ANXA3: variants seen among roughly 807,000 people sequenced by gnomAD.
The protein encoded by ANXA3 is annexin A3, also known as 35-alpha calcimedin.
In ANXA3, 46 loss-of-function variants were observed where a neutral mutation model predicts 48.8. The ratio of observed to expected loss-of-function variants is 0.94; its 90% CI spans 0.74 to 1.21. The LOEUF is 1.21. Ranked by LOEUF, ANXA3 falls within the 50% of genes most tolerant of loss-of-function variation. The probability of loss-of-function intolerance (pLI) is 0.00; values close to 1 mark genes in which losing one functional copy is unlikely to be tolerated. For missense variants in ANXA3, 383 were observed against 378.6 expected (o/e 1.01, Z -0.10); for synonymous variants, 128 against 134.7 (o/e 0.95, Z 0.35).
At chr4:78,593,113 C>CACACACA (rs1723334676) in intron 7 of ANXA3, among the ~76,000 whole-genome samples, 125 of 144,026 alleles carry the variant, frequency 8.7e-4, no homozygotes, top group Middle Eastern at 3.6e-3. Context: ...AACACACATA[C>CACACACA]CACACACACA....
intron 7 of ANXA3, among the ~76,000 whole-genome samples, chr4:78,594,222 G>A (rs913458251): frequency 9.2e-5 from 14 of 152,096 alleles, no homozygotes; most frequent in African/African-American, 3.4e-4. Flanking sequence ...TCTTTTCATG[G>A]CTTGATAGCT....
At chr4:78,552,780 C>T (rs183735225) in intron 1 of ANXA3, among the ~76,000 whole-genome samples, 121 of 152,332 alleles carry the variant, frequency 7.9e-4, no homozygotes, top group African/African-American at 2.7e-3. Context: ...TAAAACGTTA[C>T]TCCATGAAGA....
At chr4:78,609,547 A>G (rs978578227) in intron 12 of ANXA3, among the ~76,000 whole-genome samples, 2 of 152,204 alleles carry the variant, frequency 1.3e-5, no homozygotes, top group East Asian at 1.9e-4. Flanking sequence ...GCCAGGATAT[A>G]GGGATTCAAA....
At chr4:78,561,858 T>A (rs1358887175) in intron 2 of ANXA3, among the ~76,000 whole-genome samples, 1 of 152,214 alleles carries the variant, frequency 6.6e-6, no homozygotes, top group African/African-American at 2.4e-5. Context: ...AGAAAGTTGA[T>A]TTAAAACAGG....
chr4:78,600,469 T>A lies in ANXA3; in HGVS notation c.731-1041T>A, dbSNP rs888323460. Among the ~76,000 whole-genome samples the A allele has an allele frequency of 3.9e-5, 6 of 152,192 alleles. No individual in the cohort carries two copies. The South Asian group carries it at 6.2e-4, about 16-fold the overall frequency. Reference sequence around the variant, plus strand: ...CTTAATAGGATGAAAGTGGGCATCATTATTTTTTATCAAGCTATTATGGCT... The same window carrying A: ...CTTAATAGGATGAAAGTGGGCATCAATATTTTTTATCAAGCTATTATGGCT... On this transcript the variant is annotated intron_variant, in intron 10 of 12. Transcript: ENST00000264908.
At chr4:78,553,148 T>TG (rs1156821659) in intron 1 of ANXA3, among the ~76,000 whole-genome samples, 1 of 152,194 alleles carries the variant, frequency 6.6e-6, no homozygotes, top group African/African-American at 2.4e-5. Context: ...GGCAGAAGCA[T>TG]GGGGGTTAGG....
chr4:78,574,635 T>A (rs1002096433), intron 3 of ANXA3, among the ~76,000 whole-genome samples: 2 of 152,214 alleles, frequency 1.3e-5, no homozygotes, highest in Admixed American at 6.5e-5. Context: ...TCTTCTGCAA[T>A]ATGTTTTTGT....
intron 2 of ANXA3, among the ~76,000 whole-genome samples, chr4:78,571,546 T>G (rs1373490420): frequency 1.3e-5 from 2 of 152,192 alleles, no homozygotes; most frequent in East Asian, 3.8e-4. Flanking sequence ...ATAATGTCCT[T>G]TCATGAAAAT....
At chr4:78,560,136 A>G (rs1157196441) in intron 2 of ANXA3, among the ~76,000 whole-genome samples, 2 of 152,166 alleles carry the variant, frequency 1.3e-5, no homozygotes, top group African/African-American at 2.4e-5. Flanking sequence ...TTTTAAACAC[A>G]TATATATTTC....
At chr4:78,552,276 C>T (rs993297218) in intron 1 of ANXA3, 1 of 152,444 alleles carries the variant, frequency 6.6e-6, no homozygotes, top group Admixed American at 6.5e-5. Flanking sequence ...GAAGGTTCCT[C>T]GGGTCCCCGG....
At chr4:78,609,116 T>A (rs1578407095) in intron 12 of ANXA3, among the ~76,000 whole-genome samples, 1 of 151,978 alleles carries the variant, frequency 6.6e-6, no homozygotes, top group East Asian at 1.9e-4. Context: ...AACAGAAAAA[T>A]ATATATAAAG....
intron 12 of ANXA3, among the ~76,000 whole-genome samples, chr4:78,607,933 G>T (rs1311626047): frequency 6.6e-6 from 1 of 152,160 alleles, no homozygotes; most frequent in Non-Finnish European, 1.5e-5. Flanking sequence ...ATGGGAAGAA[G>T]CAAGAGGGAA....
intron 6 of ANXA3, among the ~76,000 whole-genome samples, chr4:78,588,962 C>T (rs1723232169): frequency 6.6e-6 from 1 of 152,196 alleles, no homozygotes; most frequent in African/African-American, 2.4e-5. Context: ...GGCACTGTTT[C>T]CCAAGTTGGC....
At chr4:78,597,892 G>A (rs1723454355) in intron 10 of ANXA3, among the ~76,000 whole-genome samples, 1 of 152,290 alleles carries the variant, frequency 6.6e-6, no homozygotes, top group South Asian at 2.1e-4. Flanking sequence ...GGGATTACAG[G>A]TGTGAGCTAC....
At chr4:78,601,888 A>G (rs1723549709) in intron 11 of ANXA3, 1 of 191,360 alleles carries the variant, frequency 5.2e-6, no homozygotes, top group South Asian at 1.7e-4. Flanking sequence ...CACTTGTATG[A>G]AAGATGAAAA....
intron 2 of ANXA3, among the ~76,000 whole-genome samples, chr4:78,555,483 G>C (rs1281443588): frequency 2.6e-5 from 4 of 152,062 alleles, no homozygotes; most frequent in Admixed American, 2.6e-4. Flanking sequence ...GAACTTGACA[G>C]AAAAAGTTGT....
chr4:78,570,136 C>T (rs1269619870), intron 2 of ANXA3, among the ~76,000 whole-genome samples: 1 of 152,214 alleles, frequency 6.6e-6, no homozygotes, highest in Non-Finnish European at 1.5e-5. Flanking sequence ...TAAAATTCCA[C>T]TTCAGAATTC....
At chr4:78,555,795 G>A (rs1396863937) in intron 2 of ANXA3, among the ~76,000 whole-genome samples, 1 of 151,476 alleles carries the variant, frequency 6.6e-6, no homozygotes, top group East Asian at 1.9e-4. Flanking sequence ...AGGCTGCAGT[G>A]AGCCATGTTC....
At chr4:78,605,066 G>C (rs959338868) in intron 12 of ANXA3, among the ~76,000 whole-genome samples, 17 of 152,188 alleles carry the variant, frequency 1.1e-4, no homozygotes, top group Non-Finnish European at 2.2e-4. Context: ...ATTCCATGAG[G>C]AATGTATGAG....
Sources: gnomAD v4.1 joint callset for allele counts (sites outside exome capture counted in the v4.1 genomes callset) on GRCh38, gnomAD v4.1.1 for gene constraint, MANE v1.5 for transcripts, NCBI Gene and HGNC (gene_info 2026-07-23, HGNC 2026-07-21) for gene names.